ZZZ3: variants seen among roughly 807,000 people sequenced by gnomAD.
The protein encoded by ZZZ3 is ZZ-type zinc finger-containing protein 3.
Under a neutral mutation model 95.2 loss-of-function variants are expected in ZZZ3, and 22 were observed. The observed-to-expected ratio is 0.23, with a 90% CI of 0.17 to 0.33. The LOEUF (loss-of-function observed/expected upper bound fraction) is 0.33. Among genes scored for constraint, ZZZ3 ranks in the 10% least tolerant of loss-of-function variants. The probability of loss-of-function intolerance (pLI) is 1.00; values close to 1 mark genes in which losing one functional copy is unlikely to be tolerated. For missense variants in ZZZ3, 885 were observed against 1,066.5 expected, an observed-to-expected ratio of 0.83 and a Z score of 2.37; for synonymous variants, 335 against 358.9, an observed-to-expected ratio of 0.93 and a Z score of 0.75.
chr1:77,604,495 T>A (rs1570479198), intron 5 of ZZZ3, among the ~76,000 whole-genome samples: 1 of 152,316 alleles, frequency 6.6e-6, no homozygotes, highest in East Asian at 1.9e-4. Flanking sequence ...ATTTCTAAAA[T>A]CTTCGTAAAT....
At chr1:77,674,506 AC>A (rs1438053722) in intron 1 of ZZZ3, among the ~76,000 whole-genome samples, 1 of 152,206 alleles carries the variant, frequency 6.6e-6, no homozygotes, top group East Asian at 1.9e-4. Context: ...TGGAGTTCTG[AC>A]AGTGTTCTTC....
chr1:77,629,600 CG>C (rs1428769626), intron 5 of ZZZ3, among the ~76,000 whole-genome samples: 2 of 152,008 alleles, frequency 1.3e-5, no homozygotes, highest in Non-Finnish European at 2.9e-5. Flanking sequence ...CACTCCAGCC[CG>C]GGTGGCAGAG....
intron 5 of ZZZ3, among the ~76,000 whole-genome samples, chr1:77,606,197 C>G (rs1665214375): frequency 1.3e-5 from 2 of 152,142 alleles, no homozygotes; most frequent in Admixed American, 6.5e-5. Context: ...TTAGTGGCAG[C>G]CTGACAGTAC....
At chr1:77,596,268 C>T (rs1664204271) in intron 5 of ZZZ3, among the ~76,000 whole-genome samples, 1 of 152,040 alleles carries the variant, frequency 6.6e-6, no homozygotes, top group Non-Finnish European at 1.5e-5. Context: ...TAAAAGGCTA[C>T]ATATACTTTA....
intron 5 of ZZZ3, chr1:77,614,915 A>T (rs903672487): frequency 6.6e-6 from 1 of 152,242 alleles, no homozygotes; most frequent in African/African-American, 2.4e-5. Context: ...ATCTGATCTC[A>T]GAAGCAAAGC....
At chr1:77,568,056 C>T (rs532331210) in intron 13 of ZZZ3, among the ~76,000 whole-genome samples, 11 of 152,066 alleles carry the variant, frequency 7.2e-5, no homozygotes, top group Admixed American at 2.0e-4. Flanking sequence ...TCTCTTATCA[C>T]CCTTTTAAAA....
At chr1:77,650,648 T>C (rs181520921) in intron 1 of ZZZ3, among the ~76,000 whole-genome samples, 1 of 150,954 alleles carries the variant, frequency 6.6e-6, no homozygotes, top group African/African-American at 2.4e-5. Context: ...TGATGTCAGC[T>C]TCTACCTTAA....
chr1:77,676,356 C>T (rs1394509762), intron 1 of ZZZ3, among the ~76,000 whole-genome samples: 1 of 152,124 alleles, frequency 6.6e-6, no homozygotes, highest in Non-Finnish European at 1.5e-5. Context: ...TTTGTAGAGA[C>T]GAGGTCACAC....
chr1:77,587,869 G>C (rs548467941), intron 5 of ZZZ3, among the ~76,000 whole-genome samples: 4 of 152,294 alleles, frequency 2.6e-5, no homozygotes, highest in African/African-American at 9.6e-5. Context: ...AGGACAATGA[G>C]GGTGAATACT....
At chr1:77,621,027 T>A (rs1428269544) in intron 5 of ZZZ3, among the ~76,000 whole-genome samples, 1 of 152,210 alleles carries the variant, frequency 6.6e-6, no homozygotes, top group East Asian at 1.9e-4. Context: ...AGCATCATAC[T>A]GCCAGCGAAA....
intron 1 of ZZZ3, among the ~76,000 whole-genome samples, chr1:77,652,375 T>C (rs1669888699): frequency 6.6e-6 from 1 of 152,144 alleles, no homozygotes; most frequent in Non-Finnish European, 1.5e-5. Flanking sequence ...CTCAGGGATA[T>C]GCAAATCAAA....
At chr1:77,585,871 T>G (rs1045489643) in intron 5 of ZZZ3, among the ~76,000 whole-genome samples, 9 of 152,216 alleles carry the variant, frequency 5.9e-5, no homozygotes, top group Admixed American at 5.9e-4. Context: ...TTTCACAGCC[T>G]CCTCTCTAAA....
chr1:77,610,564 C>G (rs1443307109), intron 5 of ZZZ3, among the ~76,000 whole-genome samples: 1 of 151,276 alleles, frequency 6.6e-6, no homozygotes, highest in Non-Finnish European at 1.5e-5. Context: ...AAACCCTCAA[C>G]AAAATACAAG....
At chr1:77,654,560 G>A (rs1363141234) in intron 1 of ZZZ3, among the ~76,000 whole-genome samples, 1 of 151,976 alleles carries the variant, frequency 6.6e-6, no homozygotes, top group Non-Finnish European at 1.5e-5. Flanking sequence ...TGTAAGACTG[G>A]CTTACATGTA....
intron 12 of ZZZ3, among the ~76,000 whole-genome samples, chr1:77,575,011 C>A (rs190366129): frequency 8.6e-4 from 131 of 152,200 alleles, no homozygotes; most frequent in African/African-American, 3.1e-3. Flanking sequence ...TAGTGAACCC[C>A]CGCCTCTACT....
At chr1:77,659,746 CAA>C (rs754494557) in intron 1 of ZZZ3, among the ~76,000 whole-genome samples, 4 of 135,102 alleles carry the variant, frequency 3.0e-5, no homozygotes, top group Non-Finnish European at 3.2e-5. Context: ...TTTGATTACC[CAA>C]AAAAAAAAAA....
intron 1 of ZZZ3, among the ~76,000 whole-genome samples, chr1:77,662,175 G>A (rs374911436): frequency 1.1e-4 from 17 of 151,874 alleles, no homozygotes; most frequent in Non-Finnish European, 2.4e-4. Flanking sequence ...CACCACACCC[G>A]GCTAATTTTT....
chr1:77,655,205 A>G (rs765520018), intron 1 of ZZZ3, among the ~76,000 whole-genome samples: 11 of 152,162 alleles, frequency 7.2e-5, no homozygotes, highest in African/African-American at 2.4e-4. Context: ...GAGGGCAGAG[A>G]CTTCATGATC....
At position 77,613,905 on chromosome 1, in the gene ZZZ3, A is replaced by G. The variant is rs867612774; in HGVS notation, c.1505+17945T>C. Among the ~76,000 whole-genome samples the G allele has an allele frequency of 5.9e-5, 9 of 152,164 alleles. No individual in the cohort carries two copies. In the South Asian group the frequency reaches 1.4e-3, roughly 25 times the overall value. Reference sequence around the variant, plus strand: ...AAATTTCAAAGGGCCCTTAGACTGAATGCCACAATAACTTAATAACAAATA... The same window carrying G: ...AAATTTCAAAGGGCCCTTAGACTGAGTGCCACAATAACTTAATAACAAATA... On this transcript the variant is annotated intron_variant, in intron 5 of 14. Coordinates refer to ENST00000370801, the MANE Select transcript of ZZZ3 (RefSeq NM_015534.6).
Sources: allele counts gnomAD v4.1 joint callset (sites outside exome capture counted in the v4.1 genomes callset), GRCh38; gene constraint gnomAD v4.1.1; transcripts MANE v1.5; gene names NCBI Gene and HGNC (gene_info 2026-07-23, HGNC 2026-07-21).